Variants in MXRA8 observed in about 807,000 individuals in gnomAD.
MXRA8 encodes the protein matrix remodeling-associated protein 8.
Under a neutral mutation model 51.4 loss-of-function variants are expected in MXRA8, and 44 were observed. The observed-to-expected ratio is 0.86, with a 90% CI of 0.67 to 1.10. MXRA8 has a LOEUF of 1.10. Ranked by LOEUF, MXRA8 falls within the 50% of genes least tolerant of loss-of-function variation. The probability of loss-of-function intolerance (pLI) is 0.00; values close to 1 mark genes in which losing one functional copy is unlikely to be tolerated. For missense variants in MXRA8, 765 were observed against 638.9 expected (o/e 1.20, Z -2.13); for synonymous variants, 369 against 293.5 (o/e 1.26, Z -2.63).
At chr1:1,359,121 C>T, upstream of MXRA8, 1 of 985,442 alleles carries the variant, frequency 1.0e-6, no homozygotes, top group Non-Finnish European at 1.2e-6. Context: ...ATGATGGACG[C>T]TGCCAGTCAC....
Position 1,355,171 on chromosome 1 carries a change from C to G in MXRA8, c.479-19G>C. 2 of 1,383,460 alleles carry G rather than the reference C, an allele frequency of 1.4e-6. No individual in the cohort carries two copies. The highest frequency in any genetic ancestry group is 1.9e-6 in the Non-Finnish European group (2 of 1,078,418). 85.7% of individuals were successfully genotyped at this position (1,383,460 alleles called of 1,614,324 possible). A position where few individuals can be genotyped will look rare whatever the true frequency, so the allele number is the denominator to read the frequency against. On this transcript the variant is annotated intron_variant, in intron 4 of 9. Transcript: ENST00000309212. ...GCCGGGGCTGCGGAGGGGGCGCGGT[C>G]AGCGGCGCGCGGGCCGGGGCGGCGG...
At chr1:1,357,375 A>G (rs892409920) in intron 1 of MXRA8, among the ~76,000 whole-genome samples, 8 of 152,018 alleles carry the variant, frequency 5.3e-5, no homozygotes, top group Non-Finnish European at 1.0e-4. Context: ...CGCCCGCCCT[A>G]CGCACTGTCC....
In MXRA8 at chr1:1,355,349, C is replaced by G. The variant is rs747801925; in HGVS notation, c.377-4G>C. Reference sequence around the variant, plus strand: ...CCCGCGTCCGTCTCCTCCACCGCTGCGCACCCAGGAGGAAGCCGCGCGTGA... The same window carrying G: ...CCCGCGTCCGTCTCCTCCACCGCTGGGCACCCAGGAGGAAGCCGCGCGTGA... On this transcript the variant is annotated splice_polypyrimidine_tract_variant and splice_region_variant and intron_variant, in intron 3 of 9. Coordinates refer to ENST00000309212, the MANE Select transcript of MXRA8 (RefSeq NM_032348.4). 2 of 1,572,046 alleles carry G rather than the reference C, an allele frequency of 1.3e-6. No homozygotes were observed. Among genetic ancestry groups the G allele is most frequent in the South Asian group, 1.2e-5 (1 of 86,704 alleles).
chr1:1,354,988 G>C lies in MXRA8; in HGVS notation c.643C>G (p.Pro215Ala). ...AGCAGGCGGTCCGCGCGGTCGTGCG[G>C]GACCCCGGGCGGCTGCCGGTCCCAG... ...VHWDRQPPGVPHDRADRLLDL... is the reference protein window; with the variant it reads ...VHWDRQPPGVAHDRADRLLDL... The change falls in exon 5 of 10, where the codon CCG (proline) becomes GCG (alanine). Residue 215 changes from proline (P) to alanine (A), a missense_variant. Coordinates refer to ENST00000309212, the MANE Select transcript of MXRA8 (RefSeq NM_032348.4). 1 of 1,598,456 alleles carries C rather than the reference G, an allele frequency of 6.3e-7. No individual in the cohort carries two copies. The highest frequency in any genetic ancestry group is 2.3e-5 in the East Asian group (1 of 44,202).
At position 1,355,526 on chromosome 1, in the gene MXRA8, G is replaced by A; in HGVS notation, c.300C>T (p.Tyr100=). 1 of 1,497,530 alleles carries A rather than the reference G, an allele frequency of 6.7e-7. No individual in the cohort carries two copies. The highest frequency in any genetic ancestry group is 2.8e-5 in the East Asian group (1 of 36,154). 92.8% of individuals were successfully genotyped at this position (1,497,530 alleles called of 1,614,324 possible). ...CCAGGCGGCCGCGGTCCCGCGCCTC[G>A]TACACGCGCTGCTCGCCCGCCGAGT... ...DLYSAGEQRV[Y]EARDRGRLEL... Residue 100 remains tyrosine (Y), a synonymous_variant, in exon 3 of 10, where the codon TAC becomes TAT. Transcript: ENST00000309212.
In MXRA8 at chr1:1,354,113, G is replaced by A. The variant is rs551408715; in HGVS notation, c.1146-7C>T. On this transcript the variant is annotated splice_region_variant and splice_polypyrimidine_tract_variant and intron_variant, in intron 7 of 9. Coordinates refer to ENST00000309212, the MANE Select transcript of MXRA8 (RefSeq NM_032348.4). ...CGCCAAGTTAACATCCTTCCTGGAT[G>A]GCGAGGGTGGGAGGAGGTTACAGCT... 1 of 1,612,958 alleles carries A rather than the reference G, an allele frequency of 6.2e-7. No individual in the cohort carries two copies. The highest frequency in any genetic ancestry group is 2.2e-5 in the East Asian group (1 of 44,884).
chr1:1,361,302 G>A (rs781112594), upstream of MXRA8: 8 of 703,322 alleles, frequency 1.1e-5, no homozygotes, highest in South Asian at 3.0e-5. Flanking sequence ...GTTCAGAAGC[G>A]TTTGCTGACC....
At chr1:1,361,832 CGG>C (rs1189538541), upstream of MXRA8, 8 of 163,342 alleles carry the variant, frequency 4.9e-5, no homozygotes, top group Admixed American at 1.7e-4. Flanking sequence ...CGTGAGGCTT[CGG>C]CACCAGGAAC....
At chr1:1,362,042 C>T (rs2765021), upstream of MXRA8, among the ~76,000 whole-genome samples, 133,779 of 152,276 alleles carry the variant, frequency 0.88, 59,104 homozygotes, top group Non-Finnish European at 0.94. Context: ...CCGCTTGTGG[C>T]GACTGTTCCC....
At chr1:1,359,120 G>T, upstream of MXRA8, 1 of 985,414 alleles carries the variant, frequency 1.0e-6, no homozygotes, top group Non-Finnish European at 1.2e-6. Flanking sequence ...GATGATGGAC[G>T]CTGCCAGTCA....
chr1:1,355,566 C>G lies in MXRA8; in HGVS notation c.260G>C (p.Arg87Pro). 1 of 1,480,930 alleles carries G rather than the reference C, an allele frequency of 6.8e-7. No homozygotes were observed. The highest frequency in any genetic ancestry group is 8.9e-7 in the Non-Finnish European group (1 of 1,123,538). 91.7% of individuals were successfully genotyped at this position (1,480,930 alleles called of 1,614,324 possible). A position where few individuals can be genotyped will look rare whatever the true frequency, so the allele number is the denominator to read the frequency against. ...GCCCGCCGAGTACAAGTCCAGCAGGCGCCGCGCGGGGCCACCCCCGGGGCC... is the reference window on the plus strand; with the variant it reads ...GCCCGCCGAGTACAAGTCCAGCAGGGGCCGCGCGGGGCCACCCCCGGGGCC... ...LRGPGGGPAR[R>P]LLDLYSAGEQ... The change falls in exon 3 of 10, where the codon CGC (arginine) becomes CCC (proline). Residue 87 changes from arginine to proline, a missense_variant. Physicochemically the swap from Arg to Pro is moderately radical, Grantham distance 103 (BLOSUM62 -2). Transcript: ENST00000309212.
chr1:1,360,873 C>G (rs954569300), upstream of MXRA8, among the ~76,000 whole-genome samples: 5 of 151,242 alleles, frequency 3.3e-5, no homozygotes, highest in Non-Finnish European at 5.9e-5. Flanking sequence ...CACACACACA[C>G]AAAGACACAC....
intron 1 of MXRA8, among the ~76,000 whole-genome samples, chr1:1,357,658 T>G (rs913727803): frequency 3.0e-4 from 45 of 152,194 alleles, no homozygotes; most frequent in African/African-American, 1.1e-3. Flanking sequence ...ATACAAAAAA[T>G]TAGCCGGACG....
Position 1,353,198 on chromosome 1 carries a change from G to T in MXRA8, c.*406C>A. Reference sequence around the variant, plus strand: ...TGTCCTCCTCCAGGAACATCTCCCAGCCCCCGACGAGCAGAGCCCTGGAGG... The same window carrying T: ...TGTCCTCCTCCAGGAACATCTCCCATCCCCCGACGAGCAGAGCCCTGGAGG... On this transcript the variant is annotated 3_prime_UTR_variant, in exon 10 of 10. Coordinates refer to ENST00000309212, the MANE Select transcript of MXRA8 (RefSeq NM_032348.4). The T allele has an allele frequency of 1.6e-6, 2 of 1,220,696 alleles. No homozygotes were observed. Among genetic ancestry groups the T allele is most frequent in the Non-Finnish European group, 2.3e-6 (2 of 851,366 alleles). 75.6% of individuals were successfully genotyped at this position (1,220,696 alleles called of 1,614,324 possible). A position where few individuals can be genotyped will look rare whatever the true frequency, so the allele number is the denominator to read the frequency against.
upstream of MXRA8, chr1:1,358,907 C>A (rs12731385): frequency 0.89 from 894,853 of 1,004,898 alleles, 407,687 homozygotes; most frequent in Non-Finnish European, 0.93. Context: ...GGCCTCCCCC[C>A]ACGTGAGCCA....
upstream of MXRA8, among the ~76,000 whole-genome samples, chr1:1,362,111 T>C (rs1644229606): frequency 6.6e-6 from 1 of 152,182 alleles, no homozygotes; most frequent in Non-Finnish European, 1.5e-5. Context: ...CCGGCAGCCA[T>C]GGCCTGCATT....
At chr1:1,354,305 C>T (rs775380432) in intron 6 of MXRA8, 49 bp downstream of exon 6, 32 of 1,598,094 alleles carry the variant, frequency 2.0e-5, no homozygotes, top group African/African-American at 5.4e-5. Flanking sequence ...ACCACCCTCC[C>T]GCCCACCTCA....
upstream of MXRA8, chr1:1,359,005 G>A (rs756274885): frequency 3.0e-6 from 3 of 985,342 alleles, no homozygotes; most frequent in African/African-American, 5.2e-5. Context: ...GGTGCACGCT[G>A]GTGCTCTCCT....
chr1:1,353,947 C>A lies in MXRA8; in HGVS notation c.1223-19G>T. The A allele has an allele frequency of 6.2e-7, 1 of 1,606,958 alleles. No individual in the cohort carries two copies. Reference sequence around the variant, plus strand: ...TTGTAATCTGTGGGAGGAGAGGAGGCTGAGGTCCCCGCTCCCAGGATGCAC... The same window carrying A: ...TTGTAATCTGTGGGAGGAGAGGAGGATGAGGTCCCCGCTCCCAGGATGCAC... On this transcript the variant is annotated intron_variant, in intron 8 of 9. Coordinates refer to ENST00000309212, the MANE Select transcript of MXRA8 (RefSeq NM_032348.4).
Sources: allele counts gnomAD v4.1 joint callset (sites outside exome capture counted in the v4.1 genomes callset), GRCh38; gene constraint gnomAD v4.1.1; transcripts MANE v1.5; gene names NCBI Gene and HGNC (gene_info 2026-07-23, HGNC 2026-07-21).